The following GRM8 variants were observed in gnomAD, a reference collection of about 807,000 sequenced individuals.
The protein encoded by GRM8 is glutamate metabotropic receptor 8.
A neutral mutation model predicts 87.2 loss-of-function variants in GRM8; 47 were observed. The ratio of observed to expected loss-of-function variants is 0.54; its 90% CI spans 0.43 to 0.69. GRM8 has a LOEUF of 0.69. Among genes scored for constraint, GRM8 ranks in the 30% least tolerant of loss-of-function variants. The probability of loss-of-function intolerance (pLI) is 0.00; values close to 1 mark genes in which losing one functional copy is unlikely to be tolerated. For missense variants in GRM8, 1,019 were observed against 1,139.2 expected, an observed-to-expected ratio of 0.89 and a Z score of 1.52; for synonymous variants, 396 against 404.5, an observed-to-expected ratio of 0.98 and a Z score of 0.25.
intron 9 of GRM8, among the ~76,000 whole-genome samples, chr7:126,498,711 C>T (rs889350968): frequency 2.6e-5 from 4 of 152,034 alleles, no homozygotes; most frequent in African/African-American, 7.2e-5. Context: ...CTTACTTCTG[C>T]CCTGTGCTTT....
At chr7:126,858,838 C>G (rs1797907525) in intron 6 of GRM8, among the ~76,000 whole-genome samples, 1 of 152,156 alleles carries the variant, frequency 6.6e-6, no homozygotes, top group Admixed American at 6.5e-5. Context: ...CAATTGAGGT[C>G]TTTAAATTTG....
chr7:127,157,374 A>G (rs905844156), intron 2 of GRM8, among the ~76,000 whole-genome samples: 8 of 152,192 alleles, frequency 5.3e-5, no homozygotes, highest in Non-Finnish European at 8.8e-5. Context: ...TTTTGGTGCC[A>G]TGAATCACTT....
intron 7 of GRM8, among the ~76,000 whole-genome samples, chr7:126,675,622 T>C (rs879489158): frequency 6.6e-6 from 1 of 152,310 alleles, no homozygotes; most frequent in African/African-American, 2.4e-5. Context: ...ACTGCATACA[T>C]AGAAGTACTA....
At chr7:127,209,731 T>C (rs932240520) in intron 2 of GRM8, among the ~76,000 whole-genome samples, 2 of 152,194 alleles carry the variant, frequency 1.3e-5, no homozygotes, top group African/African-American at 2.4e-5. Flanking sequence ...TTCACTGAAG[T>C]TCCTCTGGTG....
intron 7 of GRM8, among the ~76,000 whole-genome samples, chr7:126,652,051 G>C (rs867386327): frequency 6.6e-6 from 1 of 152,292 alleles, no homozygotes; most frequent in Non-Finnish European, 1.5e-5. Context: ...GCAGAAACGA[G>C]GACTGTAATT....
chr7:127,076,681 G>C (rs1411767906), intron 3 of GRM8, among the ~76,000 whole-genome samples: 1 of 152,186 alleles, frequency 6.6e-6, no homozygotes, highest in Non-Finnish European at 1.5e-5. Context: ...TGGCTGACTA[G>C]AGCCCCAAGC....
chr7:127,074,413 T>C (rs555624329), intron 3 of GRM8, among the ~76,000 whole-genome samples: 85 of 152,254 alleles, frequency 5.6e-4, no homozygotes, highest in African/African-American at 2.0e-3. Context: ...TCACAATATG[T>C]GTACTGGAAA....
intron 2 of GRM8, chr7:127,219,453 T>A (rs1264591542): frequency 6.6e-6 from 1 of 152,184 alleles, no homozygotes; most frequent in Non-Finnish European, 1.5e-5. Context: ...TTTATTCTTT[T>A]ATTTTTGAGA....
chr7:126,638,312 C>T (rs1277148440), intron 7 of GRM8, among the ~76,000 whole-genome samples: 1 of 152,114 alleles, frequency 6.6e-6, no homozygotes, highest in Non-Finnish European at 1.5e-5. Flanking sequence ...GACATAGAAG[C>T]CTCCAGATAC....
chr7:126,475,910 T>C (rs1253155908), intron 9 of GRM8, among the ~76,000 whole-genome samples: 2 of 152,084 alleles, frequency 1.3e-5, no homozygotes, highest in Non-Finnish European at 2.9e-5. Flanking sequence ...GATATTCACA[T>C]GAAAAATAAT....
intron 3 of GRM8, among the ~76,000 whole-genome samples, chr7:127,012,768 C>T (rs1050070981): frequency 6.6e-6 from 1 of 152,116 alleles, no homozygotes; most frequent in Non-Finnish European, 1.5e-5. Flanking sequence ...TGTCACTTCC[C>T]TTTTATTCCT....
At chr7:127,216,368 A>C (rs894360285) in intron 2 of GRM8, among the ~76,000 whole-genome samples, 1 of 151,546 alleles carries the variant, frequency 6.6e-6, no homozygotes, top group Admixed American at 6.6e-5. Flanking sequence ...AATACAAAAA[A>C]TTAGCCGGGC....
chr7:126,778,537 C>A (rs576668798), intron 6 of GRM8, among the ~76,000 whole-genome samples: 1 of 152,162 alleles, frequency 6.6e-6, no homozygotes, highest in South Asian at 2.1e-4. Context: ...TCCCTAAGTC[C>A]CTGAACAAAG....
chr7:126,590,412 G>A (rs1796569671), intron 8 of GRM8, among the ~76,000 whole-genome samples: 1 of 151,932 alleles, frequency 6.6e-6, no homozygotes, highest in Non-Finnish European at 1.5e-5. Flanking sequence ...AGAATAATTG[G>A]TATTCCTGAA....
intron 8 of GRM8, among the ~76,000 whole-genome samples, chr7:126,588,496 T>C (rs563984211): frequency 2.6e-4 from 40 of 152,260 alleles, no homozygotes; most frequent in South Asian, 1.5e-3. Flanking sequence ...AAAAGACATA[T>C]GCACTCATAT....
At position 126,967,739 on chromosome 7, in the gene GRM8, G is replaced by A. The variant is rs1022746021; in HGVS notation, c.728-63056C>T. ...ATTAGAAACTTACAAGGTTTCAGATGTTATTTCTTTAATCCAATTCATCAA... is the reference window on the plus strand; with the variant it reads ...ATTAGAAACTTACAAGGTTTCAGATATTATTTCTTTAATCCAATTCATCAA... On this transcript the variant is annotated intron_variant, in intron 3 of 10. Transcript: ENST00000339582. Among the ~76,000 whole-genome samples the A allele has an allele frequency of 5.3e-5, 8 of 152,250 alleles. No homozygotes were observed. The South Asian group carries it at 1.5e-3, about 28-fold the overall frequency.
chr7:126,617,785 A>G (rs1360497826), intron 7 of GRM8, among the ~76,000 whole-genome samples: 1 of 152,204 alleles, frequency 6.6e-6, no homozygotes, highest in Non-Finnish European at 1.5e-5. Context: ...CAATTGCTTC[A>G]AAGAGAATAA....
intron 2 of GRM8, among the ~76,000 whole-genome samples, chr7:127,239,705 T>C (rs893954340): frequency 5.5e-4 from 83 of 152,168 alleles, no homozygotes; most frequent in African/African-American, 1.9e-3. Flanking sequence ...ATACATAGAG[T>C]AGACAATTTT....
At chr7:127,044,123 G>A (rs17863188) in intron 3 of GRM8, among the ~76,000 whole-genome samples, 10,818 of 152,310 alleles carry the variant, frequency 0.071, 533 homozygotes, top group South Asian at 0.12. Flanking sequence ...GGCACCTGTG[G>A]AGGGGAAGCT....
Sources: gnomAD v4.1 joint callset for allele counts (sites outside exome capture counted in the v4.1 genomes callset) on GRCh38, gnomAD v4.1.1 for gene constraint, MANE v1.5 for transcripts, NCBI Gene and HGNC (gene_info 2026-07-23, HGNC 2026-07-21) for gene names.